The following PTPRN2 variants were observed in gnomAD, a reference collection of about 807,000 sequenced individuals.
The protein encoded by PTPRN2 is receptor-type tyrosine-protein phosphatase N2.
PTPRN2 carries 74 observed loss-of-function variants against 118.8 expected under a neutral mutation model. The ratio of observed to expected loss-of-function variants is 0.62; its 90% CI spans 0.52 to 0.76. PTPRN2 has a LOEUF of 0.76. Ranked by LOEUF, PTPRN2 falls within the 30% of genes least tolerant of loss-of-function variation. PTPRN2 has a pLI of 0.00. For synonymous variants in PTPRN2, 641 were observed against 608.0 expected (o/e 1.05, Z -0.80); for missense variants, 1,481 against 1,394.4 (o/e 1.06, Z -0.99).
intron 1 of PTPRN2, among the ~76,000 whole-genome samples, chr7:158,531,190 GAC>G (rs1825206631): frequency 6.6e-6 from 1 of 152,136 alleles, no homozygotes; most frequent in African/African-American, 2.4e-5. Context: ...AACCATGCCT[GAC>G]ACAGCAAATT....
At chr7:158,373,155 C>T (rs575069653) in intron 2 of PTPRN2, among the ~76,000 whole-genome samples, 4 of 152,330 alleles carry the variant, frequency 2.6e-5, no homozygotes, top group Admixed American at 1.3e-4. Context: ...GCGTTAACAT[C>T]GGCATTTATA....
rs111872525 is a variant in PTPRN2 at position 158,130,343 on chromosome 7, C to T, written c.1556+3334G>A. On this transcript the variant is annotated intron_variant, in intron 9 of 22. Transcript: ENST00000389418. ...AACAGACGCACATCATACTGATACA[C>T]ATCTACCCGACACACACACTCATAT... Among the ~76,000 whole-genome samples, 1,071 of 152,228 alleles carry T rather than the reference C, an allele frequency of 7.0e-3. 13 individuals carry two copies. Among genetic ancestry groups the T allele is most frequent in the African/African-American group, 0.017 (721 of 41,520 alleles).
At chr7:158,306,644 GCAA>G (rs568049984) in intron 3 of PTPRN2, among the ~76,000 whole-genome samples, 14 of 151,894 alleles carry the variant, frequency 9.2e-5, no homozygotes, top group South Asian at 4.2e-4. Context: ...ACAATAAACA[GCAA>G]CAACAACAAC....
At position 157,674,361 on chromosome 7, in the gene PTPRN2, C is replaced by G. The variant is rs1796559716; in HGVS notation, c.2001+8364G>C. ...CAGATCAGCCTTCCTTATCCACGTC[C>G]TCGAAGTGATCCCCGTTTGACATTT... On this transcript the variant is annotated intron_variant, in intron 13 of 22. Coordinates refer to ENST00000389418, the MANE Select transcript of PTPRN2 (RefSeq NM_002847.5). The surrounding 1 kb of genome is among the most constrained non-coding windows in gnomAD (Gnocchi z 4.5). Among the ~76,000 whole-genome samples the G allele has an allele frequency of 6.6e-6, 1 of 152,158 alleles. No homozygotes were observed. The highest frequency in any genetic ancestry group is 6.5e-5 in the Admixed American group (1 of 15,286).
Position 158,130,181 on chromosome 7 carries a change from C to T in PTPRN2, c.1556+3496G>A, listed in dbSNP as rs150931808. 1.8e-4 allele frequency among the ~76,000 whole-genome samples: 27 copies of T among 152,308 alleles called. No homozygotes were observed. The East Asian group carries it at 1.9e-3, about 11-fold the overall frequency. On this transcript the variant is annotated intron_variant, in intron 9 of 22. Transcript: ENST00000389418. Reference sequence around the variant, plus strand: ...ATGAAATGTAGCATCTGCAGCACAGCGACAGCACCAGCCCGAGCACTGCGA... The same window carrying T: ...ATGAAATGTAGCATCTGCAGCACAGTGACAGCACCAGCCCGAGCACTGCGA...
chr7:158,068,409 C>T (rs796849919), intron 11 of PTPRN2, among the ~76,000 whole-genome samples: 5 of 152,342 alleles, frequency 3.3e-5, no homozygotes, highest in African/African-American at 1.2e-4. Context: ...TGGACTGCAG[C>T]TGGGGCAGGA....
chr7:158,144,163 A>C (rs915518897), intron 6 of PTPRN2, among the ~76,000 whole-genome samples: 7 of 152,194 alleles, frequency 4.6e-5, no homozygotes, highest in African/African-American at 1.7e-4. Context: ...CTTCTCAATA[A>C]AGAAGGTTAA....
chr7:157,747,416 C>T (rs1391167912), intron 12 of PTPRN2, among the ~76,000 whole-genome samples: 21 of 108,872 alleles, frequency 1.9e-4, no homozygotes, highest in South Asian at 1.1e-3. Flanking sequence ...GGCCTGCGTC[C>T]CTGAGCTTTG....
rs1810920787 is a variant in PTPRN2 at position 157,869,490 on chromosome 7, G to A, written c.1788+29183C>T. ...TATTTCTCAACATAATCTCCACCAG[G>A]GCCAAGACACTTTTGCAAGGGATCA... On this transcript the variant is annotated intron_variant, in intron 12 of 22. Transcript: ENST00000389418. This position sits in a 1 kb window ranked among gnomAD's most constrained non-coding sequence, Gnocchi z 4.2. Among the ~76,000 whole-genome samples, 1 of 152,076 alleles carries A rather than the reference G, an allele frequency of 6.6e-6. No individual in the cohort carries two copies. The highest frequency in any genetic ancestry group is 1.5e-5 in the Non-Finnish European group (1 of 68,032).
rs1489291870 is a variant in PTPRN2, at chr7:157,622,740, A to G, written c.2197-1231T>C. 1.3e-5 allele frequency among the ~76,000 whole-genome samples: 2 copies of G among 152,196 alleles called. No homozygotes were observed. Among genetic ancestry groups the G allele is most frequent in the African/African-American group, 2.4e-5 (1 of 41,454 alleles). On this transcript the variant is annotated intron_variant, in intron 14 of 22. Coordinates refer to ENST00000389418, the MANE Select transcript of PTPRN2 (RefSeq NM_002847.5). The surrounding 1 kb of genome is among the most constrained non-coding windows in gnomAD (Gnocchi z 5.3). ...GTGGTGAGGGACAATCGCCTGGCTC[A>G]GGGTGGGCACTCTAAGGCCGTCTGT...
At chr7:158,066,676 C>T (rs1405115531) in intron 11 of PTPRN2, among the ~76,000 whole-genome samples, 1 of 152,136 alleles carries the variant, frequency 6.6e-6, no homozygotes, top group East Asian at 1.9e-4. Flanking sequence ...GTTGTGGTGA[C>T]TCTCACCTGG....
intron 12 of PTPRN2, among the ~76,000 whole-genome samples, chr7:157,876,252 T>A (rs1563198206): frequency 2.0e-5 from 3 of 152,164 alleles, no homozygotes; most frequent in African/African-American, 4.8e-5. Flanking sequence ...CCCCTGCTAT[T>A]TCTGCTGGGC....
chr7:158,428,727 G>A (rs1045173097), intron 2 of PTPRN2, among the ~76,000 whole-genome samples: 5 of 152,088 alleles, frequency 3.3e-5, no homozygotes, highest in African/African-American at 1.2e-4. Context: ...CAAGTCTAAC[G>A]GAGGCAGTCA....
intron 12 of PTPRN2, among the ~76,000 whole-genome samples, chr7:157,698,115 T>C (rs1797898439): frequency 6.6e-6 from 1 of 152,270 alleles, no homozygotes; most frequent in South Asian, 2.1e-4. Context: ...ACATTGCTTA[T>C]GTTAGATATA....
At chr7:157,689,741 A>G (rs1333552482) in intron 12 of PTPRN2, among the ~76,000 whole-genome samples, 1 of 152,062 alleles carries the variant, frequency 6.6e-6, no homozygotes, top group Admixed American at 6.5e-5. Context: ...GGGGTGGGGG[A>G]GGCGCTGAGA....
chr7:158,489,688 C>T, intron 2 of PTPRN2, 47 bp downstream of exon 2: 1 of 1,533,990 alleles, frequency 6.5e-7, no homozygotes, highest in Non-Finnish European at 8.8e-7. Context: ...GCACGGCGGG[C>T]AGGAGAGGGG....
intron 11 of PTPRN2, among the ~76,000 whole-genome samples, chr7:157,942,475 C>T (rs1240421852): frequency 6.6e-6 from 1 of 152,146 alleles, no homozygotes; most frequent in Non-Finnish European, 1.5e-5. Context: ...TATATCTTTA[C>T]AGACACAAAA....
At chr7:158,480,124 C>T (rs1022420768) in intron 2 of PTPRN2, among the ~76,000 whole-genome samples, 10 of 152,164 alleles carry the variant, frequency 6.6e-5, no homozygotes, top group Admixed American at 6.5e-4. Flanking sequence ...AGCTTTGTTC[C>T]ACGTCGCGGG....
At chr7:157,818,046 G>A (rs541747274) in intron 12 of PTPRN2, among the ~76,000 whole-genome samples, 1 of 150,238 alleles carries the variant, frequency 6.7e-6, no homozygotes, top group African/African-American at 2.5e-5. Context: ...GTTTGTGTCT[G>A]TGGATGTGTG....
Sources: gnomAD v4.1 joint callset for allele counts (sites outside exome capture counted in the v4.1 genomes callset) on GRCh38, gnomAD v4.1.1 for gene constraint, Gnocchi (gnomAD v3.1) non-coding constraint, MANE v1.5 for transcripts, NCBI Gene and HGNC (gene_info 2026-07-23, HGNC 2026-07-21) for gene names.